The following RALY variants were observed in gnomAD, a reference collection of about 807,000 sequenced individuals.
RALY encodes RNA-binding protein Raly.
Under a neutral mutation model 30.7 loss-of-function variants are expected in RALY, and 15 were observed. That is an observed-to-expected ratio of 0.49 (90% CI 0.33 to 0.75). The LOEUF (loss-of-function observed/expected upper bound fraction) is 0.75. Ranked by LOEUF, RALY falls within the 30% of genes least tolerant of loss-of-function variation. RALY has a pLI of 0.02. For synonymous variants in RALY, 177 were observed against 170.8 expected (o/e 1.04, Z -0.28); for missense variants, 339 against 414.3 (o/e 0.82, Z 1.58).
At chr20:34,051,329 G>A (rs2033070366) in intron 2 of RALY, among the ~76,000 whole-genome samples, 1 of 152,136 alleles carries the variant, frequency 6.6e-6, no homozygotes. Context: ...TGGAAAATGA[G>A]TACTCCTGGG....
chr20:34,078,403 G>A (rs949804999), intron 8 of RALY, 102 bp from the exon 9 acceptor site: 1 of 1,027,728 alleles, frequency 9.7e-7, no homozygotes, highest in Non-Finnish European at 1.3e-6. Context: ...GTGTCCTCTA[G>A]ATGCCCTCTG....
At chr20:34,017,413 C>G (rs1188750684) in intron 1 of RALY, 1 of 152,218 alleles carries the variant, frequency 6.6e-6, no homozygotes, top group Non-Finnish European at 1.5e-5. Context: ...CTACCAGGGC[C>G]CTCTCTTACT....
At chr20:34,068,824 T>C (rs1390210515) in intron 2 of RALY, among the ~76,000 whole-genome samples, 4 of 152,172 alleles carry the variant, frequency 2.6e-5, no homozygotes, top group Non-Finnish European at 5.9e-5. Flanking sequence ...CTCATCAACA[T>C]GTGTGTGGTC....
intron 2 of RALY, among the ~76,000 whole-genome samples, chr20:34,054,030 C>G (rs1398702245): frequency 1.3e-5 from 2 of 152,194 alleles, no homozygotes; most frequent in African/African-American, 4.8e-5. Context: ...CAGTGACCCC[C>G]AGCTTCTCAC....
At chr20:34,077,271 T>G (rs1423157384) in intron 8 of RALY, 26 bp downstream of exon 8, 1 of 1,612,526 alleles carries the variant, frequency 6.2e-7, no homozygotes. Context: ...GGGGCACGAC[T>G]GGGACTCGAC....
chr20:34,074,495 C>T (rs1038263886), intron 5 of RALY, among the ~76,000 whole-genome samples: 1 of 152,146 alleles, frequency 6.6e-6, no homozygotes, highest in Admixed American at 6.5e-5. Context: ...GCTTAGCCCA[C>T]CCCAGGCAGC....
At chr20:33,996,418 C>T (rs991249082) in intron 1 of RALY, among the ~76,000 whole-genome samples, 1 of 152,124 alleles carries the variant, frequency 6.6e-6, no homozygotes, top group Non-Finnish European at 1.5e-5. Context: ...CGTGTACCAC[C>T]AGTCAATGGA....
intron 1 of RALY, among the ~76,000 whole-genome samples, chr20:34,000,741 A>T (rs1329801081): frequency 6.6e-6 from 1 of 152,158 alleles, no homozygotes; most frequent in Admixed American, 6.5e-5. Context: ...TGAGTTTCCT[A>T]GGGAGTGCTC....
chr20:34,054,356 G>A (rs949611256), intron 2 of RALY, among the ~76,000 whole-genome samples: 5 of 152,228 alleles, frequency 3.3e-5, no homozygotes, highest in African/African-American at 1.2e-4. Flanking sequence ...ATACAAAAGT[G>A]CAGCAGATGT....
chr20:34,054,051 C>T (rs1292732615), intron 2 of RALY, among the ~76,000 whole-genome samples: 1 of 152,190 alleles, frequency 6.6e-6, no homozygotes, highest in Non-Finnish European at 1.5e-5. Context: ...TCTGCCTTCT[C>T]CTTTATTTTC....
At chr20:34,075,238 A>T (rs1373859961) in intron 5 of RALY, among the ~76,000 whole-genome samples, 1 of 152,136 alleles carries the variant, frequency 6.6e-6, no homozygotes, top group Non-Finnish European at 1.5e-5. Context: ...AAGTAAGGAA[A>T]GGGCTTAGAG....
rs148221059 is a variant in RALY at position 33,996,887 on chromosome 20, T to A, written c.-93+2756T>A. Among the ~76,000 whole-genome samples, 278 of 152,286 alleles carry A rather than the reference T, an allele frequency of 1.8e-3. 1 individual carries two copies. The highest frequency in any genetic ancestry group is 6.3e-3 in the African/African-American group (261 of 41,566). On this transcript the variant is annotated intron_variant, in intron 1 of 9. Coordinates refer to ENST00000246194, the MANE Select transcript of RALY (RefSeq NM_016732.3). ...AGTGGAATCATGCAATATTTGTCCT[T>A]TTGTGCCTGCAAAGCTGGCACACTT...
chr20:34,066,276 C>T (rs917302393), intron 2 of RALY, among the ~76,000 whole-genome samples: 1 of 148,376 alleles, frequency 6.7e-6, no homozygotes, highest in African/African-American at 2.5e-5. Context: ...ATCAGGAGTT[C>T]GAGACCAGCC....
At chr20:34,051,138 A>C (rs1359914032) in intron 2 of RALY, among the ~76,000 whole-genome samples, 1 of 152,214 alleles carries the variant, frequency 6.6e-6, no homozygotes, top group South Asian at 2.1e-4. Context: ...ATCTTTATAT[A>C]TTACAGACCC....
chr20:34,043,074 C>A (rs893145002), intron 2 of RALY, among the ~76,000 whole-genome samples: 2 of 152,274 alleles, frequency 1.3e-5, no homozygotes, highest in African/African-American at 4.8e-5. Flanking sequence ...ACAGATGTGA[C>A]CTCTTTACTA....
intron 2 of RALY, among the ~76,000 whole-genome samples, chr20:34,039,273 AAAAT>A (rs1482797279): frequency 6.6e-6 from 1 of 152,226 alleles, no homozygotes; most frequent in Non-Finnish European, 1.5e-5. Context: ...CAGCATTTGG[AAAAT>A]AAATGTCAAA....
chr20:34,051,776 T>C (rs978490900), intron 2 of RALY, among the ~76,000 whole-genome samples: 1 of 152,012 alleles, frequency 6.6e-6, no homozygotes, highest in Non-Finnish European at 1.5e-5. Flanking sequence ...TTTTTGTTGT[T>C]GTTGTTGTTT....
At chr20:34,073,477 T>C in intron 3 of RALY, 86 bp from the exon 4 acceptor site, 1 of 1,254,390 alleles carries the variant, frequency 8.0e-7, no homozygotes, top group South Asian at 1.2e-5. Flanking sequence ...TGTAAGCACA[T>C]GAATTGCTGT....
At chr20:34,079,885 T>TTCTTTC (rs1045357521) in intron 9 of RALY, 25 bp from the exon 10 acceptor site, 20 of 152,498 alleles carry the variant, frequency 1.3e-4, no homozygotes, top group African/African-American at 4.8e-4. Flanking sequence ...CCTTAGTCTC[T>TTCTTTC]TCTTTCTCTC....
Sources: gnomAD v4.1 joint callset for allele counts (sites outside exome capture counted in the v4.1 genomes callset) on GRCh38, gnomAD v4.1.1 for gene constraint, MANE v1.5 for transcripts, NCBI Gene and HGNC (gene_info 2026-07-23, HGNC 2026-07-21) for gene names.